Variants in MOV10L1 observed in about 807,000 individuals in gnomAD.
The protein encoded by MOV10L1 is Mov10 like RNA helicase 1.
A neutral mutation model predicts 143.8 loss-of-function variants in MOV10L1; 110 were observed. The ratio of observed to expected loss-of-function variants is 0.76; its 90% CI spans 0.66 to 0.90. MOV10L1 has a LOEUF of 0.90. Ranked by LOEUF, MOV10L1 falls within the 40% of genes least tolerant of loss-of-function variation. The pLI is 0.00. For synonymous variants in MOV10L1, 593 were observed against 581.1 expected (o/e 1.02, Z -0.29); for missense variants, 1,406 against 1,526.8 (o/e 0.92, Z 1.32).
At chr22:50,127,412 G>A (rs1460971969) in intron 12 of MOV10L1, among the ~76,000 whole-genome samples, 2 of 152,226 alleles carry the variant, frequency 1.3e-5, no homozygotes, top group East Asian at 3.8e-4. Context: ...CTGTTCTCAA[G>A]TAGACTAACG....
At chr22:50,135,257 C>T (rs2147290229) in intron 15 of MOV10L1, among the ~76,000 whole-genome samples, 1 of 151,890 alleles carries the variant, frequency 6.6e-6, no homozygotes, top group Non-Finnish European at 1.5e-5. Flanking sequence ...TGTGATCCAC[C>T]CTCCTCGGCC....
rs559572966 is a variant in MOV10L1 at position 50,153,056 on chromosome 22, G to A, written c.2904G>A (p.Leu968=). Residue 968 remains leucine, a synonymous_variant, in exon 22 of 27, where the codon CTG becomes CTA. Transcript: ENST00000262794. ...GAHNPLLVTK[L]VKNYRSHEAL... ...CCATCTCCTCGCAGGTCACAAAGCT[G>A]GTGAAGAACTACCGGTCCCACGAGG... is the stretch of plus-strand genomic sequence containing the variant. 2 of 1,606,626 alleles carry A rather than the reference G, an allele frequency of 1.2e-6. No homozygotes were observed. Among genetic ancestry groups the A allele is most frequent in the East Asian group, 2.2e-5 (1 of 44,688 alleles).
rs3830747 is a variant in MOV10L1 at position 50,126,189 on chromosome 22, AT to A, written c.1748-7del. On this transcript the variant is annotated splice_polypyrimidine_tract_variant and intron_variant, in intron 11 of 26. Transcript: ENST00000262794. Reference sequence around the variant, plus strand: ...GTGTTAGCTTTAAACATGGTAATATATTTTTTAACTAGGTGATAAACTGATT... The same window carrying A: ...GTGTTAGCTTTAAACATGGTAATATATTTTTAACTAGGTGATAAACTGATT... The A allele has an allele frequency of 5.8e-6, 9 of 1,561,094 alleles. No homozygotes were observed. In the African/African-American group the frequency reaches 1.2e-4, roughly 21 times the overall value.
chr22:50,113,536 G>A (rs1026695489), intron 5 of MOV10L1, 112 bp from the exon 6 acceptor site: 1 of 1,414,488 alleles, frequency 7.1e-7, no homozygotes, highest in Non-Finnish European at 9.6e-7. Context: ...CCTGCCTGTG[G>A]TGAGGTGGTC....
intron 13 of MOV10L1, among the ~76,000 whole-genome samples, chr22:50,130,965 C>T (rs769019159): frequency 6.6e-5 from 10 of 152,132 alleles, no homozygotes; most frequent in Admixed American, 3.3e-4. Flanking sequence ...GGCACGATCT[C>T]GGCTCACTGC....
intron 5 of MOV10L1, chr22:50,109,720 C>T (rs536892708): frequency 2.6e-5 from 5 of 190,638 alleles, no homozygotes; most frequent in Admixed American, 1.0e-4. Context: ...TGTGCACCTC[C>T]GGTCCCAGCT....
chr22:50,116,460 A>C (rs1371711496), intron 8 of MOV10L1, among the ~76,000 whole-genome samples: 1 of 151,540 alleles, frequency 6.6e-6, no homozygotes, highest in African/African-American at 2.4e-5. Flanking sequence ...AAAAAAAAAA[A>C]AGCCATAGGG....
chr22:50,090,037 G>T lies in MOV10L1; in HGVS notation c.-52G>T, dbSNP rs913754921. The T allele has an allele frequency of 1.1e-5, 13 of 1,147,376 alleles. No homozygotes were observed. In the Admixed American group the frequency reaches 5.4e-4, roughly 48 times the overall value. The allele number at this position is 1,147,376 out of a possible 1,614,324, so 71.1% of individuals were successfully genotyped here. On this transcript the variant is annotated 5_prime_UTR_variant, in exon 1 of 27. Transcript: ENST00000262794. ...GGCGGGCGGCGGGAGCGGCGCGGGCGCGTGCGGGCGGCGGCAGCGGCGGTG... is the reference window on the plus strand; with the variant it reads ...GGCGGGCGGCGGGAGCGGCGCGGGCTCGTGCGGGCGGCGGCAGCGGCGGTG...
chr22:50,095,729 G>A (rs2062571770), intron 2 of MOV10L1: 1 of 151,964 alleles, frequency 6.6e-6, no homozygotes, highest in East Asian at 1.9e-4. Context: ...GCCCCTGGGT[G>A]TCCAGCAAAT....
At chr22:50,097,169 G>A (rs987224923) in intron 2 of MOV10L1, among the ~76,000 whole-genome samples, 2 of 151,950 alleles carry the variant, frequency 1.3e-5, no homozygotes, top group East Asian at 1.9e-4. Context: ...CTGGAGTGCA[G>A]CAGCACAGTC....
intron 19 of MOV10L1, among the ~76,000 whole-genome samples, chr22:50,146,469 G>A (rs936634281): frequency 1.3e-5 from 2 of 152,002 alleles, no homozygotes; most frequent in Non-Finnish European, 1.5e-5. Context: ...CCCAGTGCAG[G>A]GGGGTGGGGT....
intron 3 of MOV10L1, among the ~76,000 whole-genome samples, chr22:50,106,222 A>T (rs2061861359): frequency 6.6e-6 from 1 of 151,920 alleles, no homozygotes; most frequent in African/African-American, 2.4e-5. Context: ...CAGTGGCACA[A>T]TTGTAGCTCA....
chr22:50,106,460 T>C (rs184465304), intron 3 of MOV10L1, among the ~76,000 whole-genome samples: 2,625 of 151,564 alleles, frequency 0.017, 35 homozygotes, highest in Middle Eastern at 0.034. Context: ...ATTCCATGAT[T>C]CTGCTGGAAA....
At chr22:50,115,293 G>A (rs759968675) in intron 8 of MOV10L1, 47 bp downstream of exon 8, 2 of 1,455,982 alleles carry the variant, frequency 1.4e-6, no homozygotes, top group South Asian at 3.2e-5. Flanking sequence ...AAGTTTCTCT[G>A]ATACTTCTAG....
rs768290241 is a variant in MOV10L1 at position 50,153,006 on chromosome 22, A to C, written c.2893-39A>C. The C allele has an allele frequency of 1.9e-6, 3 of 1,558,416 alleles. No homozygotes were observed. In the South Asian group the frequency reaches 3.5e-5, roughly 18 times the overall value. On this transcript the variant is annotated intron_variant, in intron 21 of 26. Coordinates refer to ENST00000262794, the MANE Select transcript of MOV10L1 (RefSeq NM_018995.3). ...TCGTTCGACAGAAACTGTGCCGGGT[A>C]CCACCTTCCCCTTGTGACCCATCAC...
At chr22:50,125,288 C>T in intron 10 of MOV10L1, 104 bp from the exon 11 acceptor site, 1 of 1,153,582 alleles carries the variant, frequency 8.7e-7, no homozygotes, top group Non-Finnish European at 1.3e-6. Flanking sequence ...CCTGGGGGGC[C>T]ATCTGCTGAA....
intron 22 of MOV10L1, among the ~76,000 whole-genome samples, chr22:50,157,649 C>T (rs1459090615): frequency 1.3e-5 from 2 of 151,132 alleles, no homozygotes; most frequent in Non-Finnish European, 2.9e-5. Flanking sequence ...CTAAGTTCTC[C>T]GTTCTACCCT....
chr22:50,139,121 C>T (rs978878016), intron 15 of MOV10L1, among the ~76,000 whole-genome samples: 5 of 151,900 alleles, frequency 3.3e-5, no homozygotes, highest in Non-Finnish European at 7.4e-5. Context: ...TCTCTTGGGC[C>T]GGAAGATTCC....
rs3830747 is a variant in MOV10L1 at position 50,126,189 on chromosome 22, A to AT, written c.1748-7dup. 371,209 of 1,559,366 alleles carry AT rather than the reference A, an allele frequency of 0.24. 46,549 individuals are homozygous for AT. Among genetic ancestry groups the AT allele is most frequent in the Admixed American group, 0.39 (23,239 of 59,514 alleles). ...GTGTTAGCTTTAAACATGGTAATAT[A>AT]TTTTTTAACTAGGTGATAAACTGAT... On this transcript the variant is annotated splice_polypyrimidine_tract_variant and intron_variant, in intron 11 of 26. Transcript: ENST00000262794.
Sources: gnomAD v4.1 joint callset for allele counts (sites outside exome capture counted in the v4.1 genomes callset) on GRCh38, gnomAD v4.1.1 for gene constraint, MANE v1.5 for transcripts, NCBI Gene and HGNC (gene_info 2026-07-23, HGNC 2026-07-21) for gene names.